The following MTMR9 variants were observed in gnomAD, a reference collection of about 807,000 sequenced individuals.
MTMR9 encodes myotubularin related protein 9.
In MTMR9, 39 loss-of-function variants were observed where a neutral mutation model predicts 69.5. That is an observed-to-expected ratio of 0.56 (90% CI 0.43 to 0.73). The LOEUF (loss-of-function observed/expected upper bound fraction) is 0.73. MTMR9 is among the 30% of genes least tolerant of loss of function. The pLI is 0.00. For missense variants in MTMR9, 900 were observed against 671.2 expected, an observed-to-expected ratio of 1.34 and a Z score of -3.77; for synonymous variants, 354 against 240.8, an observed-to-expected ratio of 1.47 and a Z score of -4.35.
At chr8:11,295,357 T>C (rs1481200919) in intron 2 of MTMR9, 55 bp downstream of exon 2, 2 of 978,740 alleles carry the variant, frequency 2.0e-6, no homozygotes, top group African/African-American at 1.6e-5. Flanking sequence ...TATGACTCAG[T>C]GTAGCTCTTC....
At position 11,309,598 on chromosome 8, in the gene MTMR9, G is replaced by C. The variant is rs772776398; in HGVS notation, c.881G>C (p.Arg294Pro). The change falls in exon 6 of 10, where the codon CGA (arginine) becomes CCA (proline). Residue 294 changes from arginine (R) to proline (P), a missense_variant. Arg to Pro is a moderately radical substitution (Grantham distance 103). Transcript: ENST00000221086. ...ACNDQTHNMD[R>P]WLSKLEASNW... ...AATGACCAAACACATAACATGGACCGATGGCTCAGTAAATTGGAGGCCTCT... is the reference window on the plus strand; with the variant it reads ...AATGACCAAACACATAACATGGACCCATGGCTCAGTAAATTGGAGGCCTCT... 3.1e-6 allele frequency: 5 copies of C among 1,613,916 alleles called. No homozygotes were observed. In the South Asian group the frequency reaches 3.3e-5, roughly 11 times the overall value.
chr8:11,302,536 ATATC>A (rs1240797250), intron 3 of MTMR9, among the ~76,000 whole-genome samples: 1 of 152,174 alleles, frequency 6.6e-6, no homozygotes, highest in Non-Finnish European at 1.5e-5. Context: ...AGTTTGATCA[ATATC>A]TATTTATGAT....
chr8:11,285,471 C>T (rs890328068), intron 1 of MTMR9, among the ~76,000 whole-genome samples: 4 of 152,168 alleles, frequency 2.6e-5, no homozygotes, highest in African/African-American at 7.2e-5. Flanking sequence ...CTGAGGAAAA[C>T]TAAACAGATT....
chr8:11,335,700 G>T, the MTMR9 span, among the ~76,000 whole-genome samples: 1 of 152,116 alleles, frequency 6.6e-6, no homozygotes, highest in Non-Finnish European at 1.5e-5. Context: ...CTAGCTTCTG[G>T]TACTTTGCTG....
chr8:11,329,158 C>G (rs754485740), downstream of MTMR9, among the ~76,000 whole-genome samples: 4 of 152,200 alleles, frequency 2.6e-5, no homozygotes, highest in Non-Finnish European at 4.4e-5. Flanking sequence ...CACTGGAAGG[C>G]TGAGGCAGGA....
intron 6 of MTMR9, among the ~76,000 whole-genome samples, chr8:11,314,321 C>G (rs1346585606): frequency 6.6e-6 from 1 of 152,164 alleles, no homozygotes; most frequent in Admixed American, 6.5e-5. Context: ...CCAGACACTT[C>G]TGAGTCTCAT....
At chr8:11,317,001 T>C in intron 8 of MTMR9, 108 bp downstream of exon 8, 1 of 629,320 alleles carries the variant, frequency 1.6e-6, no homozygotes, top group Non-Finnish European at 2.6e-6. Context: ...ATTAAAATTA[T>C]TTATAAAAAG....
At chr8:11,295,751 CCTTTA>C (rs759005723) in intron 2 of MTMR9, among the ~76,000 whole-genome samples, 10 of 152,174 alleles carry the variant, frequency 6.6e-5, no homozygotes, top group Non-Finnish European at 1.3e-4. Context: ...CTTTTTCTTT[CCTTTA>C]CTTGAGGTTT....
chr8:11,302,816 G>A (rs1419647392), intron 3 of MTMR9, among the ~76,000 whole-genome samples: 5 of 152,072 alleles, frequency 3.3e-5, no homozygotes, highest in African/African-American at 1.2e-4. Flanking sequence ...AGAATCTTGA[G>A]ATCATAGGCA....
chr8:11,300,530 T>C (rs2117388643), intron 3 of MTMR9: 1 of 152,432 alleles, frequency 6.6e-6, no homozygotes, highest in South Asian at 2.1e-4. Flanking sequence ...CTTTAAAATT[T>C]TTACTAGAAA....
At chr8:11,299,425 A>G (rs896755650) in intron 2 of MTMR9, among the ~76,000 whole-genome samples, 1 of 152,214 alleles carries the variant, frequency 6.6e-6, no homozygotes, top group African/African-American at 2.4e-5. Context: ...CAACACTATG[A>G]AGTAGGTATG....
chr8:11,299,253 C>T (rs963641803), intron 2 of MTMR9, among the ~76,000 whole-genome samples: 1 of 152,126 alleles, frequency 6.6e-6, no homozygotes, highest in African/African-American at 2.4e-5. Flanking sequence ...TCACTTGAAC[C>T]CGGGAGGCGG....
intron 6 of MTMR9, among the ~76,000 whole-genome samples, chr8:11,314,111 GCT>G (rs1347167170): frequency 6.6e-6 from 1 of 152,204 alleles, no homozygotes; most frequent in Non-Finnish European, 1.5e-5. Context: ...TCGTATTAAA[GCT>G]CTATGTAGTG....
downstream of MTMR9, chr8:11,332,010 C>T (rs1378421684): frequency 1.2e-6 from 2 of 1,611,830 alleles, no homozygotes; most frequent in Admixed American, 3.3e-5. Context: ...TTATATGCTC[C>T]ATGAGACTGT....
intron 5 of MTMR9, among the ~76,000 whole-genome samples, chr8:11,308,960 C>G (rs1800078103): frequency 6.6e-6 from 1 of 152,208 alleles, no homozygotes; most frequent in Admixed American, 6.5e-5. Flanking sequence ...AGATTTGCTA[C>G]ATATACTTAT....
At chr8:11,306,457 T>C (rs1352515057) in intron 5 of MTMR9, 50 bp downstream of exon 5, 3 of 1,527,084 alleles carry the variant, frequency 2.0e-6, no homozygotes, top group Admixed American at 1.7e-5. Context: ...CTAATTATAG[T>C]GGGTAAGGCC....
In MTMR9 at chr8:11,295,306, A is replaced by C. The variant is rs778462722; in HGVS notation, c.291+4A>C. ...GAATATAGCCAGTTCCATTGAGGTA[A>C]GTATTTTGGAAGCAAAATCTAATGA... On this transcript the variant is annotated splice_donor_region_variant and intron_variant, in intron 2 of 9. Transcript: ENST00000221086. The C allele has an allele frequency of 1.3e-6, 2 of 1,512,304 alleles. No individual in the cohort carries two copies. The highest frequency in any genetic ancestry group is 1.7e-5 in the Admixed American group (1 of 57,708). 93.7% of individuals were successfully genotyped at this position (1,512,304 alleles called of 1,614,324 possible).
chr8:11,287,978 A>G (rs1799237965), intron 1 of MTMR9, among the ~76,000 whole-genome samples: 2 of 123,132 alleles, frequency 1.6e-5, no homozygotes, highest in Non-Finnish European at 3.2e-5. Context: ...TTATATATGT[A>G]TTATATAATA....
intron 5 of MTMR9, among the ~76,000 whole-genome samples, chr8:11,309,043 C>T (rs1432600317): frequency 1.3e-5 from 2 of 152,166 alleles, no homozygotes; most frequent in East Asian, 3.8e-4. Context: ...GTTTCCTCCA[C>T]CTATTGTCTC....
Sources: gnomAD v4.1 joint callset for allele counts (sites outside exome capture counted in the v4.1 genomes callset) on GRCh38, gnomAD v4.1.1 for gene constraint, MANE v1.5 for transcripts, NCBI Gene and HGNC (gene_info 2026-07-23, HGNC 2026-07-21) for gene names.